ESPN: variants seen among roughly 807,000 people sequenced by gnomAD.
The protein encoded by ESPN is espin, also known as autosomal recessive deafness type 36 protein.
ESPN carries 68 observed loss-of-function variants against 77.7 expected under a neutral mutation model. The observed-to-expected ratio is 0.87, with a 90% confidence interval of 0.72 to 1.07. ESPN has a LOEUF of 1.07. ESPN is among the 50% of genes least tolerant of loss of function. The pLI, the probability that ESPN is intolerant of heterozygous loss-of-function variation, is 0.00. For missense variants in ESPN, 1,060 were observed against 1,239.0 expected, an observed-to-expected ratio of 0.86 and a Z score of 2.17; for synonymous variants, 449 against 567.1, an observed-to-expected ratio of 0.79 and a Z score of 2.96.
intron 12 of ESPN, among the ~76,000 whole-genome samples, chr1:6,459,650 GC>G (rs1644120924): frequency 6.6e-6 from 1 of 151,938 alleles, no homozygotes; most frequent in Admixed American, 6.6e-5. Flanking sequence ...CATATTGACA[GC>G]TCCCCCACAA....
intron 3 of ESPN, 30 bp from the exon 4 acceptor site, chr1:6,440,596 C>CCCCCCCCCCAA: frequency 9.8e-6 from 11 of 1,127,576 alleles, no homozygotes; most frequent in Non-Finnish European, 1.2e-5. Context: ...GCCCAGCCCC[C>CCCCCCCCCCAA]GCCCCCCTCT....
chr1:6,461,230 C>G (rs768554635), downstream of ESPN: 5 of 742,644 alleles, frequency 6.7e-6, no homozygotes, highest in South Asian at 7.4e-5. This position sits in a 1 kb window ranked among gnomAD's most constrained non-coding sequence, Gnocchi z 6.3. Context: ...TGAGAAATGT[C>G]TTCACCCCCT....
chr1:6,436,749 C>T (rs1643453695), intron 2 of ESPN, among the ~76,000 whole-genome samples: 2 of 152,100 alleles, frequency 1.3e-5, no homozygotes, highest in East Asian at 3.9e-4. Context: ...TCAGGCAGTC[C>T]TCCTGCTTTG....
rs1052073303 is a variant in ESPN at position 6,428,891 on chromosome 1, C to T, written c.488+472C>T. 6.6e-6 allele frequency among the ~76,000 whole-genome samples: 1 copy of T among 152,216 alleles called. No individual in the cohort carries two copies. Among genetic ancestry groups the T allele is most frequent in the African/African-American group, 2.4e-5 (1 of 41,460 alleles). ...CCAAGCAGTTAAGGGAGAAAGGCCC[C>T]TCCCAGACCCCCACCCCACCTCCTG... On this transcript the variant is annotated intron_variant, in intron 2 of 12. Coordinates refer to ENST00000645284, the MANE Select transcript of ESPN (RefSeq NM_031475.3). This position sits in a 1 kb window ranked among gnomAD's most constrained non-coding sequence, Gnocchi z 5.4.
At chr1:6,441,805 C>G (rs11809075) in intron 5 of ESPN, among the ~76,000 whole-genome samples, 1 of 152,190 alleles carries the variant, frequency 6.6e-6, no homozygotes, top group Non-Finnish European at 1.5e-5. Flanking sequence ...CAATGAGGCC[C>G]GGAGGGAAGA....
In ESPN at chr1:6,440,377, C is replaced by A; in HGVS notation, c.612C>A (p.His204Gln). The change falls in exon 3 of 13, where the codon CAC becomes CAA. Residue 204 changes from histidine (H) to glutamine (Q), a missense_variant. This residue lies in a region of ESPN where 556 missense variants were observed against 633.6 expected (regional missense o/e 0.88). Coordinates refer to ENST00000645284, the MANE Select transcript of ESPN (RefSeq NM_031475.3). ...GCGCAGACCCGCACGCGCGCGCCCA[C>A]GACGGCATGACCCCGCTGCACGCCG... ...ECGADPHARA[H>Q]DGMTPLHAAA... The A allele has an allele frequency of 1.3e-6, 2 of 1,589,154 alleles. No homozygotes were observed. The highest frequency in any genetic ancestry group is 1.1e-5 in the South Asian group (1 of 88,118).
intron 2 of ESPN, chr1:6,429,713 TGATCCCTCCGTGGGCTG>T (rs1643171320): frequency 6.6e-6 from 1 of 152,418 alleles, no homozygotes; most frequent in Non-Finnish European, 1.5e-5. Flanking sequence ...TGAGAAGCCG[TGATCCCTCCGTGGGCTG>T]GATCCCAGGT....
rs150708975 is a variant in ESPN at position 6,452,049 on chromosome 1, C to T, written c.2278C>T (p.Arg760Cys). The part of the protein sequence containing the change: ...IPEWKRQVMV[R>C]KMQLKMQEEE... ...CGAGTGGAAGCGCCAGGTGATGGTG[C>T]GCAAGATGCAGCTGAAGATGCAGGA... is the stretch of plus-strand genomic sequence containing the variant. Residue 760 changes from arginine to cysteine, a missense_variant, in exon 10 of 13, where the codon CGC (arginine) becomes TGC (cysteine). Coordinates refer to ENST00000645284, the MANE Select transcript of ESPN (RefSeq NM_031475.3). 21 of 1,575,398 alleles carry T rather than the reference C, an allele frequency of 1.3e-5. No homozygotes were observed. The highest frequency in any genetic ancestry group is 1.1e-4 in the African/African-American group (8 of 74,012).
intron 2 of ESPN, among the ~76,000 whole-genome samples, chr1:6,436,599 G>C (rs1034015737): frequency 1.3e-5 from 2 of 151,778 alleles, no homozygotes; most frequent in African/African-American, 4.8e-5. Context: ...CAACTTCCTG[G>C]ACTCAAGTGA....
At chr1:6,433,139 A>C (rs916360599) in intron 2 of ESPN, among the ~76,000 whole-genome samples, 1 of 133,412 alleles carries the variant, frequency 7.5e-6, no homozygotes, top group African/African-American at 3.1e-5. Context: ...AAGAAAAAAG[A>C]AAAGAAAAGA....
At position 6,428,500 on chromosome 1, in the gene ESPN, C is replaced by T. The variant is rs1282478732; in HGVS notation, c.488+81C>T. On this transcript the variant is annotated intron_variant, in intron 2 of 12. Coordinates refer to ENST00000645284, the MANE Select transcript of ESPN (RefSeq NM_031475.3). This position sits in a 1 kb window ranked among gnomAD's most constrained non-coding sequence, Gnocchi z 5.4. Reference sequence around the variant, plus strand: ...GATGCCTGGGATTTTCCACGCCTCTCTGGCACTCCAGGGCAATGATCCCTC... The same window carrying T: ...GATGCCTGGGATTTTCCACGCCTCTTTGGCACTCCAGGGCAATGATCCCTC... 6 of 1,266,018 alleles carry T rather than the reference C, an allele frequency of 4.7e-6. No individual in the cohort carries two copies. The highest frequency in any genetic ancestry group is 2.2e-5 in the Admixed American group (1 of 46,234). 78.4% of individuals were successfully genotyped at this position (1,266,018 alleles called of 1,614,324 possible).
Position 6,424,962 on chromosome 1 carries a change from C to G in ESPN, c.7C>G (p.Leu3Val), listed in dbSNP as rs577773683. The G allele has an allele frequency of 2.8e-6, 4 of 1,454,246 alleles. No individual in the cohort carries two copies. The South Asian group carries it at 5.2e-5, about 19-fold the overall frequency. The allele number at this position is 1,454,246 out of a possible 1,614,324, so 90.1% of individuals were successfully genotyped here. A position where few individuals can be genotyped will look rare whatever the true frequency, so the allele number is the denominator to read the frequency against. The change falls in exon 1 of 13, where the codon CTG (leucine) becomes GTG (valine). Residue 3 changes from leucine (L) to valine (V), a missense_variant. This residue lies in a region of ESPN where 556 missense variants were observed against 633.6 expected (regional missense o/e 0.88). Coordinates refer to ENST00000645284, the MANE Select transcript of ESPN (RefSeq NM_031475.3). MA[L>V]EQALQAARQG... ...CGGCGCCGCACGCGGCACCATGGCC[C>G]TGGAGCAGGCGCTGCAGGCGGCGCG... is the stretch of plus-strand genomic sequence containing the variant.
intron 12 of ESPN, 141 bp from the exon 13 acceptor site, chr1:6,459,858 G>C (rs1644125678): frequency 1.2e-5 from 12 of 980,726 alleles, no homozygotes; most frequent in Non-Finnish European, 1.7e-5. Flanking sequence ...TCTGTCTTCA[G>C]CAACCGAGCC....
At chr1:6,458,633 T>TTA (rs1324667584) in intron 12 of ESPN, among the ~76,000 whole-genome samples, 1 of 151,644 alleles carries the variant, frequency 6.6e-6, no homozygotes, top group Non-Finnish European at 1.5e-5. Flanking sequence ...AAAATTTTTT[T>TTA]TAATTAGCTG....
chr1:6,442,867 C>CAA (rs35404098), intron 5 of ESPN, among the ~76,000 whole-genome samples: 38 of 51,164 alleles, frequency 7.4e-4, no homozygotes, highest in African/African-American at 1.7e-3. Context: ...GACGCTGTCT[C>CAA]AAAAAAAAAA....
chr1:6,428,193 G>A lies in ESPN; in HGVS notation c.295-33G>A, dbSNP rs377277363. On this transcript the variant is annotated intron_variant, in intron 1 of 12. Transcript: ENST00000645284. This position sits in a 1 kb window ranked among gnomAD's most constrained non-coding sequence, Gnocchi z 5.4. ...CAAGCCAGGGGCGGGGCAGCAACAGGCTTTAGGACTTGAACCAGCTCTCCT... is the reference window on the plus strand; with the variant it reads ...CAAGCCAGGGGCGGGGCAGCAACAGACTTTAGGACTTGAACCAGCTCTCCT... 1.6e-5 allele frequency: 26 copies of A among 1,612,256 alleles called. No individual in the cohort carries two copies. The African/African-American group carries it at 2.3e-4, about 14-fold the overall frequency.
chr1:6,430,308 G>A (rs1359766504), intron 2 of ESPN, among the ~76,000 whole-genome samples: 2 of 152,244 alleles, frequency 1.3e-5, no homozygotes, highest in Admixed American at 6.5e-5. Flanking sequence ...CGGACCTGCT[G>A]GTGGGAAACT....
intron 5 of ESPN, among the ~76,000 whole-genome samples, chr1:6,441,303 G>T (rs1251038805): frequency 1.3e-5 from 2 of 152,206 alleles, no homozygotes; most frequent in Non-Finnish European, 2.9e-5. Context: ...TAAGGCTGGA[G>T]AAATCACAAG....
rs563809513 is a variant in ESPN at position 6,451,960 on chromosome 1, C to A, written c.2189C>A (p.Pro730Gln). ...LVPVPPTTPA[P>Q]GVQLDVEALI... ...CCCGTGCCGCCCACTACTCCTGCGC[C>A]GGGAGTGCAGCTGGACGTGGAGGCT... The change falls in exon 10 of 13, where the codon CCG (proline) becomes CAG (glutamine). Residue 730 changes from proline to glutamine, a missense_variant. By Grantham distance (76) the Pro-to-Gln change is moderately conservative. Transcript: ENST00000645284. This position sits in a 1 kb window ranked among gnomAD's most constrained non-coding sequence, Gnocchi z 4.3. 3.1e-6 allele frequency: 5 copies of A among 1,610,764 alleles called. No individual in the cohort carries two copies. The highest frequency in any genetic ancestry group is 4.2e-6 in the Non-Finnish European group (5 of 1,178,780).
Sources: gnomAD v4.1 joint callset for allele counts (sites outside exome capture counted in the v4.1 genomes callset) on GRCh38, gnomAD v4.1.1 for gene constraint, gnomAD v4.1.1 regional missense constraint, Gnocchi (gnomAD v3.1) non-coding constraint, MANE v1.5 for transcripts, NCBI Gene and HGNC (gene_info 2026-07-23, HGNC 2026-07-21) for gene names.